Variants in LRPPRC observed in about 807,000 individuals in gnomAD.
LRPPRC encodes leucine-rich PPR motif-containing protein, mitochondrial.
Under a neutral mutation model 180.3 loss-of-function variants are expected in LRPPRC, and 120 were observed. That is an observed-to-expected ratio of 0.67 (90% CI 0.57 to 0.77). The LOEUF (loss-of-function observed/expected upper bound fraction) is 0.77, where lower values mean the gene tolerates loss of function less well. Among genes scored for constraint, LRPPRC ranks in the 30% least tolerant of loss-of-function variants. The pLI is 0.00. For synonymous variants in LRPPRC, 723 were observed against 600.0 expected, an observed-to-expected ratio of 1.21 and a Z score of -3.00; for missense variants, 2,012 against 1,657.2, an observed-to-expected ratio of 1.21 and a Z score of -3.72.
chr2:43,907,426 A>T (rs896122898), intron 30 of LRPPRC, among the ~76,000 whole-genome samples: 1 of 152,274 alleles, frequency 6.6e-6, no homozygotes, highest in African/African-American at 2.4e-5. Flanking sequence ...AAAGACATTA[A>T]CTTTTCACAC....
At chr2:43,894,946 A>C (rs886497527) in intron 35 of LRPPRC, among the ~76,000 whole-genome samples, 1 of 152,232 alleles carries the variant, frequency 6.6e-6, no homozygotes, top group Non-Finnish European at 1.5e-5. Flanking sequence ...TCCCAAGGGT[A>C]GAGAGATAAC....
chr2:43,921,588 G>C (rs922528274), intron 27 of LRPPRC, among the ~76,000 whole-genome samples: 12 of 152,196 alleles, frequency 7.9e-5, no homozygotes, highest in Non-Finnish European at 1.5e-4. Context: ...TATAAAGGTA[G>C]AGAGAGGGCA....
At position 43,976,985 on chromosome 2, in the gene LRPPRC, G is replaced by A. The variant is rs780448888; in HGVS notation, c.650+9C>T. 1.2e-6 allele frequency: 2 copies of A among 1,609,570 alleles called. No homozygotes were observed. Among genetic ancestry groups the A allele is most frequent in the Non-Finnish European group, 1.7e-6 (2 of 1,176,072 alleles). On this transcript the variant is annotated intron_variant, in intron 5 of 37. Transcript: ENST00000260665. ...TTGTTCGCTTAAACATGTTCATACA[G>A]ATCCATACCTGGCACCTTCAATATC...
At chr2:43,966,242 T>A (rs1673551271) in intron 11 of LRPPRC, among the ~76,000 whole-genome samples, 1 of 151,096 alleles carries the variant, frequency 6.6e-6, no homozygotes, top group Admixed American at 6.6e-5. Flanking sequence ...ATATATGGAA[T>A]CTACTAAAAA....
chr2:43,969,523 T>C (rs1673711826), intron 11 of LRPPRC, among the ~76,000 whole-genome samples: 1 of 152,036 alleles, frequency 6.6e-6, no homozygotes, highest in African/African-American at 2.4e-5. Flanking sequence ...TGGGATTAAG[T>C]CCTTGTTCTG....
At chr2:43,995,660 G>A (rs775992661) in intron 1 of LRPPRC, 139 bp downstream of exon 1, 234 of 803,312 alleles carry the variant, frequency 2.9e-4, no homozygotes, top group Non-Finnish European at 3.9e-4. Flanking sequence ...AGGGAGCGTG[G>A]TGCGGAGCCC....
chr2:43,987,217 G>A (rs927979304), intron 1 of LRPPRC, among the ~76,000 whole-genome samples: 4 of 152,110 alleles, frequency 2.6e-5, no homozygotes, highest in Admixed American at 6.6e-5. Context: ...GTAATGAGCC[G>A]GACGCGGTGG....
intron 2 of LRPPRC, among the ~76,000 whole-genome samples, chr2:43,980,320 G>C (rs932733105): frequency 1.2e-4 from 18 of 152,154 alleles, no homozygotes; most frequent in African/African-American, 4.1e-4. Context: ...TTGGGAGGTT[G>C]AGGCAGGCAG....
At position 43,974,726 on chromosome 2, in the gene LRPPRC, G is replaced by C; in HGVS notation, c.897C>G (p.His299Gln). The change falls in exon 8 of 38, where the codon CAC (histidine) becomes CAG (glutamine). Residue 299 changes from histidine (H) to glutamine (Q), a missense_variant. His to Gln is a conservative substitution (Grantham distance 24). Coordinates refer to ENST00000260665, the MANE Select transcript of LRPPRC (RefSeq NM_133259.4). Reference protein sequence around the residue: ...TLEKVEKSELHLMDRDLLQII... With the variant: ...TLEKVEKSELQLMDRDLLQII... The stretch of plus-strand genomic sequence containing the variant: ...TTTGCAGTAAATCACGGTCCATAAG[G>C]TGAAGCTCGGACTTCTCCACCTTCT... 3.7e-6 allele frequency: 6 copies of C among 1,613,412 alleles called. No homozygotes were observed. Among genetic ancestry groups the C allele is most frequent in the Non-Finnish European group, 5.1e-6 (6 of 1,179,594 alleles).
At chr2:43,915,507 A>G (rs996177765) in intron 29 of LRPPRC, among the ~76,000 whole-genome samples, 5 of 151,850 alleles carry the variant, frequency 3.3e-5, no homozygotes, top group Admixed American at 2.0e-4. Flanking sequence ...AATATGGGGA[A>G]ACCCTGTCTC....
At chr2:43,964,143 T>C (rs1174777688) in intron 11 of LRPPRC, among the ~76,000 whole-genome samples, 3 of 152,212 alleles carry the variant, frequency 2.0e-5, no homozygotes, top group African/African-American at 4.8e-5. Flanking sequence ...AGTTCCCTAA[T>C]TGTTACTAAT....
chr2:43,958,406 A>G (rs1673208487), intron 13 of LRPPRC, among the ~76,000 whole-genome samples: 1 of 152,210 alleles, frequency 6.6e-6, no homozygotes, highest in East Asian at 1.9e-4. Context: ...GAAAAATCCC[A>G]TGGGAAAAGT....
At chr2:43,907,788 AAAG>A (rs1671113513) in intron 30 of LRPPRC, among the ~76,000 whole-genome samples, 1 of 152,282 alleles carries the variant, frequency 6.6e-6, no homozygotes, top group African/African-American at 2.4e-5. Flanking sequence ...TATCTTAACC[AAAG>A]AAGACAGTAT....
intron 25 of LRPPRC, 92 bp from the exon 26 acceptor site, chr2:43,926,053 TGCTG>T: frequency 1.3e-6 from 1 of 753,866 alleles, no homozygotes; most frequent in Non-Finnish European, 2.4e-6. Flanking sequence ...CTTATGAATT[TGCTG>T]CCAAATATAT....
chr2:43,934,683 A>C (rs1012326944), intron 24 of LRPPRC, 71 bp downstream of exon 24: 3 of 1,409,720 alleles, frequency 2.1e-6, no homozygotes, highest in Non-Finnish European at 3.0e-6. Flanking sequence ...GGTTTCTCTT[A>C]ACAATACACT....
At chr2:43,977,338 G>C (rs1199394411) in intron 3 of LRPPRC, 62 bp from the exon 4 acceptor site, 11 of 1,326,504 alleles carry the variant, frequency 8.3e-6, no homozygotes, top group Middle Eastern at 2.2e-4. Context: ...CTTTAAAGTG[G>C]ACCTAAATTT....
At chr2:43,946,032 T>C in intron 21 of LRPPRC, 81 bp downstream of exon 21, 1 of 1,372,822 alleles carries the variant, frequency 7.3e-7, no homozygotes, top group Non-Finnish European at 1.0e-6. Flanking sequence ...TATAAGAGAG[T>C]AATATTCCAT....
intron 23 of LRPPRC, among the ~76,000 whole-genome samples, chr2:43,942,213 G>T (rs558648202): frequency 6.6e-6 from 1 of 152,140 alleles, no homozygotes; most frequent in Admixed American, 6.5e-5. Context: ...CATTTTCATT[G>T]TTAATTATTT....
chr2:43,947,587 G>C, intron 19 of LRPPRC, 144 bp downstream of exon 19: 1 of 672,026 alleles, frequency 1.5e-6, no homozygotes, highest in South Asian at 1.8e-5. Context: ...TTTTTCTGAG[G>C]TGGGGAACAG....
Sources: allele counts gnomAD v4.1 joint callset (sites outside exome capture counted in the v4.1 genomes callset), GRCh38; gene constraint gnomAD v4.1.1; transcripts MANE v1.5; gene names NCBI Gene and HGNC (gene_info 2026-07-23, HGNC 2026-07-21).